The following MYBPC1 variants were observed in gnomAD, a reference collection of about 807,000 sequenced individuals.
MYBPC1 encodes myosin-binding protein C, slow-type.
A neutral mutation model predicts 147.1 loss-of-function variants in MYBPC1; 52 were observed. The observed-to-expected ratio is 0.35, with a 90% confidence interval of 0.28 to 0.45. The LOEUF is 0.45. MYBPC1 is among the 20% of genes least tolerant of loss of function. The probability of loss-of-function intolerance (pLI) is 1.00; values close to 1 mark genes in which losing one functional copy is unlikely to be tolerated. For synonymous variants in MYBPC1, 477 were observed against 475.9 expected (o/e 1.00, Z -0.03); for missense variants, 1,228 against 1,440.3 (o/e 0.85, Z 2.39).
chr12:101,660,982 G>T (rs1015147943), intron 19 of MYBPC1, among the ~76,000 whole-genome samples, 176 bp from the exon 20 acceptor site: 2 of 152,202 alleles, frequency 1.3e-5, no homozygotes, highest in African/African-American at 4.8e-5. Context: ...AGTTCAAGAT[G>T]AGATTTGGAT....
chr12:101,658,633 T>A (rs973911222), intron 18 of MYBPC1, among the ~76,000 whole-genome samples: 5 of 152,132 alleles, frequency 3.3e-5, no homozygotes, highest in Non-Finnish European at 7.4e-5. Context: ...GTAGAAAATC[T>A]AAAAGAATTG....
intron 11 of MYBPC1, among the ~76,000 whole-genome samples, chr12:101,643,434 C>T (rs1033359265): frequency 2.0e-5 from 3 of 152,144 alleles, no homozygotes; most frequent in Non-Finnish European, 4.4e-5. Flanking sequence ...CATCTCTTTT[C>T]CCCAAGCTGA....
At position 101,665,694 on chromosome 12, in the gene MYBPC1, C is replaced by T. The variant is rs530197789; in HGVS notation, c.2357-2038C>T. On this transcript the variant is annotated intron_variant, in intron 22 of 31. Coordinates refer to ENST00000361466, the MANE Select transcript of MYBPC1 (RefSeq NM_002465.4). ...TGTGAAGAGATGGGCTATTTTTGTT[C>T]CCCCTCTGGTCTTGTTTCGTCCTGT... Among the ~76,000 whole-genome samples, 64 of 152,116 alleles carry T rather than the reference C, an allele frequency of 4.2e-4. 2 individuals are homozygous for T. The highest frequency in any genetic ancestry group is 1.2e-3 in the African/African-American group (51 of 41,500).
At chr12:101,659,882 T>C (rs1276850133) in intron 19 of MYBPC1, 51 bp downstream of exon 19, 3 of 1,600,816 alleles carry the variant, frequency 1.9e-6, no homozygotes, top group African/African-American at 2.7e-5. Flanking sequence ...CATGTCAAGA[T>C]TCAGAGTAGA....
intron 24 of MYBPC1, among the ~76,000 whole-genome samples, chr12:101,671,971 A>G (rs1898832735): frequency 6.6e-6 from 1 of 152,228 alleles, no homozygotes; most frequent in Admixed American, 6.5e-5. Context: ...TTGCTTGAGA[A>G]GGGAAGAAAC....
At chr12:101,597,788 C>A (rs1049595220) in intron 1 of MYBPC1, among the ~76,000 whole-genome samples, 15 of 152,100 alleles carry the variant, frequency 9.9e-5, no homozygotes, top group African/African-American at 3.4e-4. Flanking sequence ...ACTGTCTATT[C>A]CAGATAAAAC....
chr12:101,692,413 G>A, the MYBPC1 span, among the ~76,000 whole-genome samples: 4 of 152,144 alleles, frequency 2.6e-5, no homozygotes, highest in South Asian at 8.3e-4. Context: ...GTTATTAGGT[G>A]GCATTTTGCA....
At chr12:101,625,118 A>T (rs1194779803) in intron 3 of MYBPC1, among the ~76,000 whole-genome samples, 1 of 152,064 alleles carries the variant, frequency 6.6e-6, no homozygotes, top group Admixed American at 6.6e-5. Flanking sequence ...CATCACTGTG[A>T]TAGAATGTGG....
At chr12:101,598,514 A>G (rs1244110868) in intron 1 of MYBPC1, among the ~76,000 whole-genome samples, 1 of 152,230 alleles carries the variant, frequency 6.6e-6, no homozygotes. Flanking sequence ...GATTAAAACC[A>G]TAAAGCCTGA....
intron 1 of MYBPC1, among the ~76,000 whole-genome samples, chr12:101,612,522 GC>G (rs1166887476): frequency 6.6e-6 from 1 of 152,204 alleles, no homozygotes; most frequent in Non-Finnish European, 1.5e-5. Context: ...GGCTTTGAAT[GC>G]GAACCTGGGG....
At chr12:101,668,739 A>T (rs1280678241) in intron 23 of MYBPC1, among the ~76,000 whole-genome samples, 1 of 152,152 alleles carries the variant, frequency 6.6e-6, no homozygotes, top group Non-Finnish European at 1.5e-5. Flanking sequence ...TGCTGGGATT[A>T]CAGGCGTGAG....
chr12:101,677,787 C>A (rs967324961), intron 27 of MYBPC1, among the ~76,000 whole-genome samples: 1 of 152,212 alleles, frequency 6.6e-6, no homozygotes, highest in Non-Finnish European at 1.5e-5. Context: ...TTCTTTTCAT[C>A]ATAAACCACT....
intron 31 of MYBPC1, 25 bp from the exon 32 acceptor site, chr12:101,685,555 GTC>G: frequency 6.9e-7 from 1 of 1,447,034 alleles, no homozygotes; most frequent in Non-Finnish European, 9.4e-7. Context: ...GTTTTGATTT[GTC>G]TGTTTTCCTT....
At chr12:101,617,725 G>A (rs550409282) in intron 3 of MYBPC1, among the ~76,000 whole-genome samples, 4 of 152,258 alleles carry the variant, frequency 2.6e-5, no homozygotes, top group Non-Finnish European at 4.4e-5. Flanking sequence ...GATTTCTACA[G>A]ATACACAATA....
At chr12:101,627,739 T>C in intron 4 of MYBPC1, 30 bp from the exon 5 acceptor site, 1 of 1,612,584 alleles carries the variant, frequency 6.2e-7, no homozygotes. Flanking sequence ...TCCACCCCTC[T>C]GCATCACCCA....
intron 18 of MYBPC1, among the ~76,000 whole-genome samples, chr12:101,658,456 T>C (rs1319401023): frequency 6.6e-6 from 1 of 152,080 alleles, no homozygotes; most frequent in African/African-American, 2.4e-5. Flanking sequence ...AGTGAGAAAC[T>C]TGACGCTTTC....
rs1419976515 is a variant in MYBPC1, at chr12:101,644,730, A to T, written c.899A>T (p.Glu300Val). 1.2e-6 allele frequency: 2 copies of T among 1,613,998 alleles called. No homozygotes were observed. The highest frequency in any genetic ancestry group is 3.3e-5 in the Admixed American group (2 of 60,006). Residue 300 changes from glutamate (E) to valine (V), a missense_variant, in exon 12 of 32, where the codon GAG becomes GTG. Glu to Val is a moderately radical substitution (Grantham distance 121, BLOSUM62 -2). Coordinates refer to ENST00000361466, the MANE Select transcript of MYBPC1 (RefSeq NM_002465.4). ...GGAGGCAGAGTGAGGTTTGTTGTGG[A>T]GCTGGCAGATCCAAAGTTGGAGGTG... ...DKGGRVRFVV[E>V]LADPKLEVKW... is the part of the protein sequence containing the mutation.
chr12:101,614,327 A>T (rs138472813), intron 1 of MYBPC1, among the ~76,000 whole-genome samples, 169 bp from the exon 2 acceptor site: 78 of 134,136 alleles, frequency 5.8e-4, no homozygotes, highest in South Asian at 2.7e-3. Context: ...TGTGTGTGTG[A>T]GAGAGAGAGA....
intron 5 of MYBPC1, among the ~76,000 whole-genome samples, chr12:101,628,478 C>T (rs568577189): frequency 2.0e-5 from 3 of 152,118 alleles, no homozygotes; most frequent in East Asian, 3.9e-4. Context: ...TGGCCTACTA[C>T]TACAGATAGA....
Sources: gnomAD v4.1 joint callset for allele counts (sites outside exome capture counted in the v4.1 genomes callset) on GRCh38, gnomAD v4.1.1 for gene constraint, MANE v1.5 for transcripts, NCBI Gene and HGNC (gene_info 2026-07-23, HGNC 2026-07-21) for gene names.